RPA3: variants seen among roughly 807,000 people sequenced by gnomAD.
The protein encoded by RPA3 is replication protein A3.
A neutral mutation model predicts 13.7 loss-of-function variants in RPA3; 24 were observed. That is an observed-to-expected ratio of 1.75 (90% CI 1.27 to 2.46). The LOEUF (loss-of-function observed/expected upper bound fraction) is 2.46. Ranked by LOEUF, RPA3 falls within the 30% of genes most tolerant of loss-of-function variation. The probability of loss-of-function intolerance (pLI) is 0.00; values close to 1 mark genes in which losing one functional copy is unlikely to be tolerated. For synonymous variants in RPA3, 59 were observed against 51.2 expected (o/e 1.15, Z -0.65); for missense variants, 183 against 151.0 (o/e 1.21, Z -1.11).
chr7:7,651,960 C>T (rs974247575), intron 4 of RPA3, among the ~76,000 whole-genome samples: 1 of 152,132 alleles, frequency 6.6e-6, no homozygotes, highest in Non-Finnish European at 1.5e-5. Flanking sequence ...CCTGACTCCT[C>T]CCTCTCTCCC....
intron 4 of RPA3, among the ~76,000 whole-genome samples, chr7:7,671,157 A>G (rs1342896867): frequency 6.6e-6 from 1 of 152,006 alleles, no homozygotes; most frequent in Non-Finnish European, 1.5e-5. Flanking sequence ...TTGCAGTACA[A>G]CTCTCAAAAA....
chr7:7,647,180 T>G (rs531011815), intron 4 of RPA3, among the ~76,000 whole-genome samples: 7 of 152,360 alleles, frequency 4.6e-5, no homozygotes, highest in Middle Eastern at 3.4e-3. Flanking sequence ...CCCACAAGTT[T>G]TTATAAGCAG....
chr7:7,710,722 T>A (rs776930011), intron 2 of RPA3, among the ~76,000 whole-genome samples: 4 of 152,244 alleles, frequency 2.6e-5, no homozygotes, highest in Non-Finnish European at 5.9e-5. Context: ...ATTGAAGACG[T>A]ATATGTGCAT....
intron 4 of RPA3, among the ~76,000 whole-genome samples, chr7:7,664,382 T>A (rs976692187): frequency 6.6e-6 from 1 of 152,200 alleles, no homozygotes; most frequent in African/African-American, 2.4e-5. Context: ...TAATCTCTCT[T>A]AAATACTTTG....
At chr7:7,678,221 CTT>C (rs1779797069) in intron 4 of RPA3, among the ~76,000 whole-genome samples, 1 of 150,806 alleles carries the variant, frequency 6.6e-6, no homozygotes, top group Admixed American at 6.7e-5. Flanking sequence ...TATGAGGTCC[CTT>C]TTCTACACAT....
At chr7:7,655,805 A>ATATACACTTAC (rs1401854472) in intron 4 of RPA3, among the ~76,000 whole-genome samples, 3 of 148,146 alleles carry the variant, frequency 2.0e-5, no homozygotes, top group African/African-American at 7.4e-5. Context: ...TAGTAAGTGT[A>ATATACACTTAC]TATATTTAGG....
In RPA3 at chr7:7,637,837, C is replaced by A. The variant is rs759973176; in HGVS notation, c.283+27G>T. On this transcript the variant is annotated intron_variant, in intron 7 of 7. Transcript: ENST00000223129. The stretch of plus-strand genomic sequence containing the variant: ...TGTATGTTATGTAATTACATAAAAC[C>A]AGTCAATACTAGAATGCTTTATTTA... 7 of 1,482,394 alleles carry A rather than the reference C, an allele frequency of 4.7e-6. No homozygotes were observed. The South Asian group carries it at 8.1e-5, about 17-fold the overall frequency. 91.8% of individuals were successfully genotyped at this position (1,482,394 alleles called of 1,614,324 possible).
At chr7:7,679,737 C>G (rs1779859161) in intron 4 of RPA3, among the ~76,000 whole-genome samples, 2 of 143,736 alleles carry the variant, frequency 1.4e-5, no homozygotes, top group African/African-American at 5.1e-5. Context: ...TATATACACA[C>G]ACACATATTA....
intron 4 of RPA3, among the ~76,000 whole-genome samples, chr7:7,643,314 A>T (rs562731423): frequency 1.3e-5 from 2 of 152,208 alleles, no homozygotes; most frequent in African/African-American, 4.8e-5. Context: ...ATGGGCGTGC[A>T]TGTAACTCCC....
intron 4 of RPA3, among the ~76,000 whole-genome samples, chr7:7,644,903 C>T (rs921070182): frequency 6.6e-6 from 1 of 152,170 alleles, no homozygotes; most frequent in Non-Finnish European, 1.5e-5. Context: ...GGATGTATTT[C>T]AGGAAAAGTA....
chr7:7,716,011 T>G (rs2115176450), intron 1 of RPA3, among the ~76,000 whole-genome samples: 1 of 151,506 alleles, frequency 6.6e-6, no homozygotes, highest in East Asian at 1.9e-4. Context: ...ACAAATCGAA[T>G]AATTTTTTAA....
chr7:7,681,402 A>G (rs532822583), intron 4 of RPA3, among the ~76,000 whole-genome samples: 2 of 152,272 alleles, frequency 1.3e-5, no homozygotes, highest in East Asian at 1.9e-4. Flanking sequence ...TAATAGGAAT[A>G]TCTGGGCTGT....
intron 2 of RPA3, among the ~76,000 whole-genome samples, chr7:7,697,679 A>G (rs1774590554): frequency 6.6e-6 from 1 of 152,194 alleles, no homozygotes; most frequent in Admixed American, 6.5e-5. Flanking sequence ...CCCAGTGTGT[A>G]ATAGAGCTGT....
chr7:7,659,808 T>G (rs1313459762), intron 4 of RPA3, among the ~76,000 whole-genome samples: 1 of 152,172 alleles, frequency 6.6e-6, no homozygotes, highest in Non-Finnish European at 1.5e-5. Flanking sequence ...CTGTAGATGT[T>G]TATTAGGTCT....
intron 4 of RPA3, among the ~76,000 whole-genome samples, chr7:7,678,556 T>G (rs577187989): frequency 1.1e-3 from 147 of 138,556 alleles, no homozygotes; most frequent in African/African-American, 3.7e-3. Context: ...TAAATATATA[T>G]TTATATACTT....
chr7:7,646,181 G>A (rs1785089703), intron 4 of RPA3, among the ~76,000 whole-genome samples: 2 of 152,202 alleles, frequency 1.3e-5, no homozygotes, highest in African/African-American at 2.4e-5. Flanking sequence ...CACACCCAGT[G>A]CATCCTGAAT....
chr7:7,691,393 A>T (rs993945671), intron 2 of RPA3, among the ~76,000 whole-genome samples: 2 of 152,238 alleles, frequency 1.3e-5, no homozygotes, highest in Non-Finnish European at 2.9e-5. Flanking sequence ...TAGCAATTTA[A>T]ACTTAGAATT....
At chr7:7,643,615 G>A (rs544450761) in intron 4 of RPA3, among the ~76,000 whole-genome samples, 42 of 152,226 alleles carry the variant, frequency 2.8e-4, no homozygotes, top group African/African-American at 9.9e-4. Flanking sequence ...GGGAGGCTGA[G>A]GCAGGAGAAT....
At chr7:7,650,766 G>A (rs1785206966) in intron 4 of RPA3, among the ~76,000 whole-genome samples, 1 of 152,166 alleles carries the variant, frequency 6.6e-6, no homozygotes, top group Non-Finnish European at 1.5e-5. Flanking sequence ...ATATCAGACT[G>A]ATCACTCTCC....
Sources: allele counts gnomAD v4.1 joint callset (sites outside exome capture counted in the v4.1 genomes callset), GRCh38; gene constraint gnomAD v4.1.1; transcripts MANE v1.5; gene names NCBI Gene and HGNC (gene_info 2026-07-23, HGNC 2026-07-21).